The following SULT1E1 variants were observed in gnomAD, a reference collection of about 807,000 sequenced individuals.
The protein encoded by SULT1E1 is sulfotransferase 1E1.
A neutral mutation model predicts 33.6 loss-of-function variants in SULT1E1; 36 were observed. That is an observed-to-expected ratio of 1.07 (90% CI 0.82 to 1.41). The LOEUF (loss-of-function observed/expected upper bound fraction) is 1.41, where lower values mean the gene tolerates loss of function less well. Ranked by LOEUF, SULT1E1 falls within the 40% of genes most tolerant of loss-of-function variation. The probability of loss-of-function intolerance (pLI) is 0.00; values close to 1 mark genes in which losing one functional copy is unlikely to be tolerated. For missense variants in SULT1E1, 371 were observed against 345.7 expected (o/e 1.07, Z -0.58); for synonymous variants, 121 against 111.7 (o/e 1.08, Z -0.53).
rs193215838 is a variant in SULT1E1 at position 69,851,622 on chromosome 4, G to C, written c.370-2059C>G. Reference sequence around the variant, plus strand: ...CATTTGACCCAGCCATCCCATTACTGGGTATATACCCAAAGGATTATAAAT... The same window carrying C: ...CATTTGACCCAGCCATCCCATTACTCGGTATATACCCAAAGGATTATAAAT... On this transcript the variant is annotated intron_variant, in intron 4 of 7. Transcript: ENST00000226444. 5.9e-3 allele frequency among the ~76,000 whole-genome samples: 901 copies of C among 152,200 alleles called. 10 individuals are homozygous for C. Among genetic ancestry groups the C allele is most frequent in the African/African-American group, 0.021 (865 of 41,508 alleles).
chr4:69,845,869 A>G (rs1448053520), intron 6 of SULT1E1, among the ~76,000 whole-genome samples: 2 of 151,180 alleles, frequency 1.3e-5, no homozygotes, highest in Non-Finnish European at 3.0e-5. Context: ...ACTGTAGATC[A>G]TGACTGCTTT....
chr4:69,832,852 C>A, the SULT1E1 span, among the ~76,000 whole-genome samples: 2,946 of 152,136 alleles, frequency 0.019, 69 homozygotes, highest in African/African-American at 0.057. Context: ...ACATAGCAGA[C>A]GGCATGGGAT....
At chr4:69,825,134 G>A in the SULT1E1 span, among the ~76,000 whole-genome samples, 3 of 151,470 alleles carry the variant, frequency 2.0e-5, no homozygotes, top group East Asian at 1.9e-4. Context: ...TGAAGCCAGC[G>A]AGACCATGAA....
At chr4:69,853,125 A>C (rs549713282) in intron 4 of SULT1E1, among the ~76,000 whole-genome samples, 1 of 152,250 alleles carries the variant, frequency 6.6e-6, no homozygotes, top group South Asian at 2.1e-4. Context: ...ACAAAATGGA[A>C]ATATTTAATG....
At chr4:69,834,420 G>T in the SULT1E1 span, among the ~76,000 whole-genome samples, 1 of 152,046 alleles carries the variant, frequency 6.6e-6, no homozygotes, top group South Asian at 2.1e-4. Context: ...CCTTCATATT[G>T]CCTCTATTAG....
Position 69,844,114 on chromosome 4 carries a change from C to T in SULT1E1, c.772+47G>A, listed in dbSNP as rs1578101855. The stretch of plus-strand genomic sequence containing the variant: ...ACTAGATTTTTGCCTATAACCATGT[C>T]ACCTTGTGACTTCCTCTAGTATCGA... On this transcript the variant is annotated intron_variant, in intron 7 of 7. Transcript: ENST00000226444. 3.8e-6 allele frequency: 6 copies of T among 1,590,086 alleles called. No homozygotes were observed. The East Asian group carries it at 1.3e-4, about 36-fold the overall frequency.
chr4:69,849,348 T>C, intron 5 of SULT1E1, 89 bp downstream of exon 5: 1 of 1,482,868 alleles, frequency 6.7e-7, no homozygotes, highest in Non-Finnish European at 9.2e-7. Context: ...GAAGAAAACG[T>C]ACCAGAACAG....
At chr4:69,850,679 A>G (rs1414124516) in intron 4 of SULT1E1, among the ~76,000 whole-genome samples, 1 of 151,916 alleles carries the variant, frequency 6.6e-6, no homozygotes, top group African/African-American at 2.4e-5. Flanking sequence ...GCATTAATTT[A>G]CTTCAGAATT....
At chr4:69,835,414 TAGAG>T in the SULT1E1 span, among the ~76,000 whole-genome samples, 3 of 152,280 alleles carry the variant, frequency 2.0e-5, no homozygotes, top group East Asian at 1.9e-4. Context: ...GGATCTTAAA[TAGAG>T]AGAATAACTT....
chr4:69,850,044 C>G (rs898595405), intron 4 of SULT1E1, among the ~76,000 whole-genome samples: 1 of 151,842 alleles, frequency 6.6e-6, no homozygotes, highest in Middle Eastern at 3.2e-3. Flanking sequence ...GTTCTGAGGT[C>G]TCTTCACTTT....
intron 4 of SULT1E1, 95 bp downstream of exon 4, chr4:69,854,122 T>TAAA (rs1721181883): frequency 1.3e-6 from 1 of 776,844 alleles, no homozygotes; most frequent in Non-Finnish European, 2.1e-6. Flanking sequence ...ATAGATTCAA[T>TAAA]GAAAGAATAA....
At chr4:69,826,708 G>C in the SULT1E1 span, among the ~76,000 whole-genome samples, 20 of 152,138 alleles carry the variant, frequency 1.3e-4, no homozygotes, top group Non-Finnish European at 2.2e-4. Flanking sequence ...TCTCTGATGG[G>C]GAAAAATGGC....
chr4:69,853,082 C>T (rs1721159879), intron 4 of SULT1E1, among the ~76,000 whole-genome samples: 1 of 151,930 alleles, frequency 6.6e-6, no homozygotes, highest in South Asian at 2.1e-4. Flanking sequence ...CTGTAGATCT[C>T]CAGGAAATGT....
rs1721271665 is a variant in SULT1E1 at position 69,857,638 on chromosome 4, A to T, written c.7T>A (p.Ser3Thr). Residue 3 changes from serine (S) to threonine (T), a missense_variant, in exon 2 of 8, where the codon TCT (serine) becomes ACT (threonine). Transcript: ENST00000226444. ...AACTTTTCATAATAGTCAAGTTCAG[A>T]ATTCATTGTGGTACACTGAAAAAAA... MN[S>T]ELDYYEKFEE... The T allele has an allele frequency of 2.5e-6, 4 of 1,598,814 alleles. No individual in the cohort carries two copies. The highest frequency in any genetic ancestry group is 3.4e-6 in the Non-Finnish European group (4 of 1,175,326).
At chr4:69,852,544 C>T (rs550520551) in intron 4 of SULT1E1, among the ~76,000 whole-genome samples, 38 of 152,254 alleles carry the variant, frequency 2.5e-4, no homozygotes, top group Admixed American at 1.2e-3. Context: ...GGCTCAAATC[C>T]GTTGGCCTCA....
chr4:69,830,587 G>A, the SULT1E1 span, among the ~76,000 whole-genome samples: 1 of 152,166 alleles, frequency 6.6e-6, no homozygotes, highest in Non-Finnish European at 1.5e-5. Context: ...TGCTGCAGAT[G>A]CTGCAGCTGG....
intron 1 of SULT1E1, among the ~76,000 whole-genome samples, chr4:69,858,649 C>T (rs1033641639): frequency 6.6e-6 from 1 of 151,680 alleles, no homozygotes; most frequent in Non-Finnish European, 1.5e-5. Flanking sequence ...ACAATCTCAA[C>T]TTTTAAAAAA....
chr4:69,854,016 T>A (rs1721179214), intron 4 of SULT1E1, among the ~76,000 whole-genome samples: 1 of 152,140 alleles, frequency 6.6e-6, no homozygotes, highest in South Asian at 2.1e-4. Context: ...CTAACTGGAC[T>A]TTTTAGAACC....
intron 6 of SULT1E1, among the ~76,000 whole-genome samples, chr4:69,846,417 T>C (rs1317721940): frequency 6.6e-6 from 1 of 151,056 alleles, no homozygotes; most frequent in African/African-American, 2.4e-5. Context: ...CAACATATAG[T>C]TTGATTTTAC....
Sources: gnomAD v4.1 joint callset for allele counts (sites outside exome capture counted in the v4.1 genomes callset) on GRCh38, gnomAD v4.1.1 for gene constraint, MANE v1.5 for transcripts, NCBI Gene and HGNC (gene_info 2026-07-23, HGNC 2026-07-21) for gene names.